Variants in CFAP210 observed in about 807,000 individuals in gnomAD.
CFAP210 encodes the protein cilia and flagella associated protein 210, also known as cilia- and flagella- associated protein 210.
chr2:169,652,448 C>T, the CFAP210 span, among the ~76,000 whole-genome samples: 21,716 of 151,934 alleles, frequency 0.14, 1,623 homozygotes, highest in South Asian at 0.26. Flanking sequence ...TGAACAAAAA[C>T]ATTAGAAGTT....
the CFAP210 span, among the ~76,000 whole-genome samples, chr2:169,653,809 C>T: frequency 6.6e-6 from 1 of 152,158 alleles, no homozygotes; most frequent in East Asian, 1.9e-4. Context: ...GTGAGCTCAT[C>T]TGTATCGACA....
chr2:169,692,336 G>A, the CFAP210 span, among the ~76,000 whole-genome samples: 3 of 152,256 alleles, frequency 2.0e-5, no homozygotes, highest in South Asian at 4.1e-4. Context: ...TGGAGGCTGA[G>A]AAAGCTAGTA....
At chr2:169,677,459 C>T in the CFAP210 span, among the ~76,000 whole-genome samples, 6 of 152,184 alleles carry the variant, frequency 3.9e-5, no homozygotes, top group African/African-American at 7.2e-5. Context: ...ATAAGAACCT[C>T]GTGATAATCT....
chr2:169,688,636 C>T, the CFAP210 span, among the ~76,000 whole-genome samples: 1 of 152,194 alleles, frequency 6.6e-6, no homozygotes, highest in Admixed American at 6.5e-5. Flanking sequence ...TAAAACATAG[C>T]AAGAATCACC....
the CFAP210 span, chr2:169,681,074 C>G: frequency 6.2e-7 from 1 of 1,613,888 alleles, no homozygotes; most frequent in African/African-American, 1.3e-5. Context: ...CTTTGCCTTT[C>G]TTTCTGCACG....
chr2:169,672,715 C>T, the CFAP210 span, among the ~76,000 whole-genome samples: 1 of 152,130 alleles, frequency 6.6e-6, no homozygotes, highest in African/African-American at 2.4e-5. Flanking sequence ...CTAGCTGTGC[C>T]GGCAGCCGAC....
chr2:169,689,306 G>GT, the CFAP210 span, among the ~76,000 whole-genome samples: 5 of 152,060 alleles, frequency 3.3e-5, no homozygotes, highest in Non-Finnish European at 7.4e-5. Context: ...ATGTTTTGTA[G>GT]TTTTTTAAAG....
the CFAP210 span, chr2:169,661,446 T>A: frequency 3.0e-6 from 1 of 338,410 alleles, no homozygotes; most frequent in East Asian, 7.4e-5. Flanking sequence ...CTCCAGGGGC[T>A]GAGCTGCACA....
the CFAP210 span, among the ~76,000 whole-genome samples, chr2:169,667,233 G>A: frequency 6.6e-6 from 1 of 150,634 alleles, no homozygotes; most frequent in South Asian, 2.1e-4. Flanking sequence ...CTGCCCCCCG[G>A]GTTCAAGAGA....
the CFAP210 span, chr2:169,650,194 T>C: frequency 1.1e-6 from 1 of 921,610 alleles, no homozygotes; most frequent in East Asian, 3.1e-5. Flanking sequence ...ATTTCAAAAA[T>C]ACAGGAAGAT....
chr2:169,653,940 A>T, the CFAP210 span: 1 of 955,414 alleles, frequency 1.0e-6, no homozygotes, highest in Admixed American at 3.0e-5. Context: ...CCCACGTCCC[A>T]AACTGAAATC....
At chr2:169,681,279 TTAAG>T in the CFAP210 span, 1 of 1,377,078 alleles carries the variant, frequency 7.3e-7, no homozygotes, top group South Asian at 1.2e-5. Context: ...CGGGAACAGT[TTAAG>T]TGATATTCGT....
chr2:169,675,346 G>T, the CFAP210 span, among the ~76,000 whole-genome samples: 1 of 152,102 alleles, frequency 6.6e-6, no homozygotes, highest in African/African-American at 2.4e-5. Flanking sequence ...AAAGAAAAAA[G>T]ATTTAATTAG....
chr2:169,675,988 G>A, the CFAP210 span, among the ~76,000 whole-genome samples: 6 of 152,064 alleles, frequency 3.9e-5, no homozygotes, highest in African/African-American at 1.4e-4. Context: ...TATTATTTAT[G>A]TTAAAAGTTT....
At chr2:169,662,806 G>A in the CFAP210 span, among the ~76,000 whole-genome samples, 1 of 152,194 alleles carries the variant, frequency 6.6e-6, no homozygotes, top group Admixed American at 6.5e-5. Context: ...CATAAGCCAT[G>A]GGCCTAGCCT....
At chr2:169,667,803 C>T in the CFAP210 span, among the ~76,000 whole-genome samples, 2 of 152,050 alleles carry the variant, frequency 1.3e-5, no homozygotes, top group Admixed American at 6.6e-5. Flanking sequence ...GCTGTAAACA[C>T]GTGTGATGTC....
At chr2:169,689,043 G>T in the CFAP210 span, among the ~76,000 whole-genome samples, 1 of 152,198 alleles carries the variant, frequency 6.6e-6, no homozygotes, top group Non-Finnish European at 1.5e-5. Flanking sequence ...TTACATGGTG[G>T]TGGCAAGAGA....
the CFAP210 span, chr2:169,658,782 C>T: frequency 6.4e-5 from 19 of 297,688 alleles, no homozygotes; most frequent in East Asian, 3.2e-4. Context: ...TATTGTGTAC[C>T]GGAGAGCATT....
chr2:169,648,677 C>CT, the CFAP210 span, among the ~76,000 whole-genome samples: 1 of 152,164 alleles, frequency 6.6e-6, no homozygotes, highest in African/African-American at 2.4e-5. Context: ...TAAGGGATGA[C>CT]TATCAAGTGT....
Sources: gnomAD v4.1 joint callset for allele counts (sites outside exome capture counted in the v4.1 genomes callset) on GRCh38, gnomAD v4.1.1 for gene constraint, MANE v1.5 for transcripts, NCBI Gene and HGNC (gene_info 2026-07-23, HGNC 2026-07-21) for gene names.